Variants in ABI3BP observed in about 807,000 individuals in gnomAD.
ABI3BP encodes the protein ABI family member 3 binding protein, also known as target of Nesh-SH3.
A neutral mutation model predicts 268.6 loss-of-function variants in ABI3BP; 216 were observed. That is an observed-to-expected ratio of 0.80 (90% CI 0.72 to 0.90). ABI3BP has a LOEUF of 0.90. ABI3BP is among the 40% of genes least tolerant of loss of function. ABI3BP has a pLI of 0.00. For synonymous variants in ABI3BP, 730 were observed against 730.0 expected, an observed-to-expected ratio of 1.00 and a Z score of 0.00; for missense variants, 2,090 against 2,182.4, an observed-to-expected ratio of 0.96 and a Z score of 0.84.
chr3:100,907,977 G>A (rs1370942656), intron 2 of ABI3BP, among the ~76,000 whole-genome samples: 4 of 151,974 alleles, frequency 2.6e-5, no homozygotes, highest in Admixed American at 1.3e-4. Context: ...TTAGCCGGGC[G>A]TGGTGGTGGG....
chr3:100,812,700 C>A (rs1472778942), intron 45 of ABI3BP, among the ~76,000 whole-genome samples, 177 bp from the exon 46 acceptor site: 2 of 151,932 alleles, frequency 1.3e-5, no homozygotes, highest in African/African-American at 4.8e-5. Context: ...CTGTACGTTA[C>A]CATTAACAAC....
At chr3:100,902,178 T>G (rs987871743) in intron 3 of ABI3BP, among the ~76,000 whole-genome samples, 1 of 152,150 alleles carries the variant, frequency 6.6e-6, no homozygotes, top group African/African-American at 2.4e-5. Flanking sequence ...ACAGTCTCCT[T>G]AAGAAAAGGT....
intron 1 of ABI3BP, among the ~76,000 whole-genome samples, chr3:100,967,887 G>GA (rs532443057): frequency 6.6e-6 from 1 of 151,634 alleles, no homozygotes; most frequent in African/African-American, 2.4e-5. Context: ...CACAGAAAAA[G>GA]AAAAAAAATG....
chr3:100,926,798 A>C (rs2061930530), intron 1 of ABI3BP, among the ~76,000 whole-genome samples: 2 of 152,158 alleles, frequency 1.3e-5, no homozygotes, highest in Admixed American at 6.6e-5. Context: ...GTATGGTGAA[A>C]GGACCTGAAT....
chr3:100,945,110 C>G (rs1174979089), intron 1 of ABI3BP, among the ~76,000 whole-genome samples: 1 of 152,078 alleles, frequency 6.6e-6, no homozygotes, highest in Admixed American at 6.6e-5. Context: ...TCTCTAACAT[C>G]TCATCCAGAA....
At chr3:100,993,264 T>A in intron 1 of ABI3BP, 42 bp downstream of exon 1, 1 of 1,327,020 alleles carries the variant, frequency 7.5e-7, no homozygotes, top group Non-Finnish European at 1.1e-6. Context: ...AACATCTATA[T>A]CTTAATATTA....
intron 2 of ABI3BP, among the ~76,000 whole-genome samples, chr3:100,906,912 C>A (rs952166636): frequency 4.6e-5 from 7 of 152,170 alleles, no homozygotes; most frequent in African/African-American, 1.7e-4. Context: ...AAGCTTAGTT[C>A]TGCATGCAAA....
chr3:100,976,029 C>T (rs1356963507), intron 1 of ABI3BP, among the ~76,000 whole-genome samples: 5 of 152,062 alleles, frequency 3.3e-5, no homozygotes, highest in African/African-American at 2.4e-5. Context: ...CTGGTGATAA[C>T]GGTCTGTGAT....
intron 12 of ABI3BP, 32 bp from the exon 13 acceptor site, chr3:100,862,941 C>A (rs1355756713): frequency 6.8e-7 from 1 of 1,467,494 alleles, no homozygotes; most frequent in Admixed American, 2.1e-5. Context: ...AAGTTACGAC[C>A]TGAGGTGAAA....
chr3:100,770,270 C>T (rs192817293), intron 62 of ABI3BP, among the ~76,000 whole-genome samples: 1 of 151,970 alleles, frequency 6.6e-6, no homozygotes, highest in Non-Finnish European at 1.5e-5. Context: ...TGGGTGGTAA[C>T]AGAATAAAAA....
intron 20 of ABI3BP, 104 bp from the exon 21 acceptor site, chr3:100,842,143 A>G (rs944221739): frequency 1.1e-6 from 1 of 934,226 alleles, no homozygotes; most frequent in South Asian, 1.5e-5. Context: ...TGGGTGAATG[A>G]TTAGGTTCTA....
intron 51 of ABI3BP, among the ~76,000 whole-genome samples, chr3:100,802,699 G>A (rs2152375504): frequency 6.6e-6 from 1 of 152,214 alleles, no homozygotes; most frequent in South Asian, 2.1e-4. Flanking sequence ...ATTGAAGTTT[G>A]TTACTTCTGA....
At chr3:100,850,858 G>T in intron 15 of ABI3BP, 124 bp from the exon 16 acceptor site, 1 of 679,700 alleles carries the variant, frequency 1.5e-6, no homozygotes, top group Non-Finnish European at 2.5e-6. Context: ...AGGGCTTGCT[G>T]GCCCACATTT....
intron 4 of ABI3BP, among the ~76,000 whole-genome samples, chr3:100,897,094 A>C (rs1350834020): frequency 2.2e-5 from 1 of 44,660 alleles, no homozygotes; most frequent in South Asian, 2.0e-3. Flanking sequence ...CAAAAAGCAC[A>C]TTAAGAAGTA....
chr3:100,903,668 A>G (rs1026470630), intron 2 of ABI3BP, among the ~76,000 whole-genome samples: 3 of 152,182 alleles, frequency 2.0e-5, no homozygotes, highest in African/African-American at 7.2e-5. Flanking sequence ...TCTCCCCTCC[A>G]TGAGTCTGGA....
At chr3:100,782,882 C>T (rs1049318915) in intron 57 of ABI3BP, among the ~76,000 whole-genome samples, 1 of 152,104 alleles carries the variant, frequency 6.6e-6, no homozygotes, top group African/African-American at 2.4e-5. Flanking sequence ...TTCTTTTTCC[C>T]TCAGGCAGGA....
At chr3:100,904,471 T>A (rs1023633397) in intron 2 of ABI3BP, among the ~76,000 whole-genome samples, 2 of 152,170 alleles carry the variant, frequency 1.3e-5, no homozygotes, top group Non-Finnish European at 2.9e-5. Context: ...CATTATCATA[T>A]AATTCCAAAG....
At chr3:100,841,209 T>TG (rs2098693708) in intron 21 of ABI3BP, among the ~76,000 whole-genome samples, 1 of 130,782 alleles carries the variant, frequency 7.6e-6, no homozygotes, top group Non-Finnish European at 1.7e-5. Context: ...TTTTTTTTTT[T>TG]TTTTTTTTTT....
At chr3:100,966,161 T>G (rs1271577314) in intron 1 of ABI3BP, among the ~76,000 whole-genome samples, 4 of 152,220 alleles carry the variant, frequency 2.6e-5, no homozygotes, top group Admixed American at 2.6e-4. Flanking sequence ...ATTGTTTCCA[T>G]AGTGCACAGC....
Sources: allele counts gnomAD v4.1 joint callset (sites outside exome capture counted in the v4.1 genomes callset), GRCh38; gene constraint gnomAD v4.1.1; transcripts MANE v1.5; gene names NCBI Gene and HGNC (gene_info 2026-07-23, HGNC 2026-07-21).